Variants in ZIC3 observed in about 807,000 individuals in gnomAD.
The protein encoded by ZIC3 is Zic family zinc finger 3.
In ZIC3, 6 loss-of-function variants were observed where a neutral mutation model predicts 18.3. The ratio of observed to expected loss-of-function variants is 0.33; its 90% CI spans 0.18 to 0.65. The LOEUF (loss-of-function observed/expected upper bound fraction) is 0.65. Among genes scored for constraint, ZIC3 ranks in the 30% least tolerant of loss-of-function variants. The pLI, the probability that ZIC3 is intolerant of heterozygous loss-of-function variation, is 0.75. For synonymous variants in ZIC3, 175 were observed against 177.0 expected (o/e 0.99, Z 0.09); for missense variants, 260 against 410.0 (o/e 0.63, Z 3.16).
intron 2 of ZIC3, 45 bp from the exon 3 acceptor site, chrX:137,569,846 C>T (rs750945322): frequency 4.3e-6 from 5 of 1,160,708 alleles, no homozygotes; most frequent in African/African-American, 1.8e-5. Flanking sequence ...TTGCACATTG[C>T]CAGTTGGAAT....
chrX:137,567,087 G>A lies in ZIC3; in HGVS notation c.396G>A (p.Ser132=). ...GCTCCGGGCTCAGTGAGGCGGCCTC[G>A]GGTGGCGGGCAGCACGGGCTCTTCG... ...QRSSGLSEAA[S]GGGQHGLFAG... Residue 132 remains serine, a synonymous_variant, in exon 1 of 3, where the codon TCG becomes TCA. Coordinates refer to ENST00000287538, the MANE Select transcript of ZIC3 (RefSeq NM_003413.4). 8.4e-7 allele frequency: 1 copy of A among 1,197,059 alleles called. No individual in the cohort carries two copies. The highest frequency in any genetic ancestry group is 3.0e-5 in the East Asian group (1 of 33,039).
chrX:137,567,917 C>T (rs980790959), intron 1 of ZIC3, among the ~76,000 whole-genome samples, 166 bp downstream of exon 1: 1 of 113,456 alleles, frequency 8.8e-6, no homozygotes, highest in Non-Finnish European at 1.9e-5. Flanking sequence ...TAGCCCTCCC[C>T]GTCCCGTGGC....
downstream of ZIC3, among the ~76,000 whole-genome samples, chrX:137,575,479 T>A (rs148493410): frequency 1.2e-4 from 13 of 111,710 alleles, no homozygotes; most frequent in African/African-American, 3.9e-4. Context: ...GAGCTCGTGT[T>A]TTGTCCGTAG....
chrX:137,570,403 G>A lies in ZIC3; in HGVS notation c.*333G>A, dbSNP rs1465327376. ...TCCTGTTTCTTGAGAGGAAGTTATAGAAGGCTTGTTGGTGGTGGTGATGTT... is the reference window on the plus strand; with the variant it reads ...TCCTGTTTCTTGAGAGGAAGTTATAAAAGGCTTGTTGGTGGTGGTGATGTT... On this transcript the variant is annotated 3_prime_UTR_variant, in exon 3 of 3. Coordinates refer to ENST00000287538, the MANE Select transcript of ZIC3 (RefSeq NM_003413.4). 3.6e-6 allele frequency: 1 copy of A among 275,231 alleles called. No individual in the cohort carries two copies. The highest frequency in any genetic ancestry group is 5.7e-5 in the Admixed American group (1 of 17,560). The allele number at this position is 275,231 out of a possible 1,213,427, so 22.7% of individuals were successfully genotyped here. A position where few individuals can be genotyped will look rare whatever the true frequency, so the allele number is the denominator to read the frequency against.
Position 137,566,357 on chromosome X carries a change from C to T in ZIC3, c.-335C>T, listed in dbSNP as rs181414932. On this transcript the variant is annotated 5_prime_UTR_variant, in exon 1 of 3. Coordinates refer to ENST00000287538, the MANE Select transcript of ZIC3 (RefSeq NM_003413.4). ...TGCCCGGGACAGGATTGGCAAACTC[C>T]GCCCTCCACTTACTATTTTGCTTAT... 69 of 319,276 alleles carry T rather than the reference C, an allele frequency of 2.2e-4. No individual in the cohort carries two copies. The highest frequency in any genetic ancestry group is 4.6e-4 in the Admixed American group (9 of 19,684). The allele number at this position is 319,276 out of a possible 1,213,427, so 26.3% of individuals were successfully genotyped here.
rs757962223 is a variant in ZIC3, at chrX:137,571,544, T to C, written c.*1474T>C. 1 of 112,665 alleles carries C rather than the reference T, an allele frequency of 8.9e-6. No individual in the cohort carries two copies. The highest frequency in any genetic ancestry group is 3.7e-4 in the South Asian group (1 of 2,724). The allele number at this position is 112,665 out of a possible 1,213,427, so 9.3% of individuals were successfully genotyped here. A position where few individuals can be genotyped will look rare whatever the true frequency, so the allele number is the denominator to read the frequency against. ...CTGTATATAGTTCAATTCATAATTATCGCAATTATCCATAACATTTATATA... is the reference window on the plus strand; with the variant it reads ...CTGTATATAGTTCAATTCATAATTACCGCAATTATCCATAACATTTATATA... On this transcript the variant is annotated 3_prime_UTR_variant, in exon 3 of 3. Coordinates refer to ENST00000287538, the MANE Select transcript of ZIC3 (RefSeq NM_003413.4).
In ZIC3 at chrX:137,566,260, A is replaced by C; in HGVS notation, c.-432A>C. 6.2e-6 allele frequency: 1 copy of C among 160,724 alleles called. No homozygotes were observed. Among genetic ancestry groups the C allele is most frequent in the Non-Finnish European group, 1.2e-5 (1 of 85,066 alleles). 13.2% of individuals were successfully genotyped at this position (160,724 alleles called of 1,213,427 possible). On this transcript the variant is annotated 5_prime_UTR_variant, in exon 1 of 3. Transcript: ENST00000287538. ...GCTAGCCGGCTCCGCCACTTGGCGC[A>C]GCCCAGCCCGGAGGCCGGTACCCAG...
At chrX:137,575,261 C>T (rs1602746468), downstream of ZIC3, among the ~76,000 whole-genome samples, 1 of 111,997 alleles carries the variant, frequency 8.9e-6, no homozygotes, top group East Asian at 2.8e-4. Flanking sequence ...GAGTTCGACC[C>T]CTACACGTTG....
At chrX:137,567,831 G>C in intron 1 of ZIC3, 80 bp downstream of exon 1, 3 of 1,205,664 alleles carry the variant, frequency 2.5e-6, no homozygotes, top group Non-Finnish European at 3.4e-6. Context: ...GAGGGAGAGA[G>C]GTGGCGGCCA....
downstream of ZIC3, among the ~76,000 whole-genome samples, chrX:137,576,610 A>T (rs932479357): frequency 2.7e-5 from 3 of 112,520 alleles, no homozygotes; most frequent in African/African-American, 9.7e-5. Context: ...CTTGGAAAAC[A>T]CTAAGTTTGC....
downstream of ZIC3, chrX:137,577,037 A>G (rs1449419386): frequency 1.6e-5 from 7 of 444,271 alleles, no homozygotes; most frequent in Non-Finnish European, 2.8e-5. Context: ...CAACATATTC[A>G]TGTGACATTT....
downstream of ZIC3, among the ~76,000 whole-genome samples, chrX:137,573,035 A>G (rs1931459472): frequency 9.3e-6 from 1 of 107,205 alleles, no homozygotes; most frequent in African/African-American, 3.4e-5. Context: ...TTATTTTGAT[A>G]GAAAGCTTTT....
Position 137,570,307 on chromosome X carries a change from C to T in ZIC3, c.*237C>T, listed in dbSNP as rs992874299. On this transcript the variant is annotated 3_prime_UTR_variant, in exon 3 of 3. Coordinates refer to ENST00000287538, the MANE Select transcript of ZIC3 (RefSeq NM_003413.4). ...CATTTTTTACAAAATCTTTACACTA[C>T]TTTTTCTTCCCCTTCCTCTTGCTCT... 9.7e-6 allele frequency: 4 copies of T among 414,467 alleles called. No individual in the cohort carries two copies. Among genetic ancestry groups the T allele is most frequent in the Non-Finnish European group, 1.7e-5 (4 of 237,653 alleles). 34.2% of individuals were successfully genotyped at this position (414,467 alleles called of 1,213,427 possible).
Position 137,570,787 on chromosome X carries a change from T to G in ZIC3, c.*717T>G, listed in dbSNP as rs1214305159. 1.8e-5 allele frequency: 2 copies of G among 113,065 alleles called. No homozygotes were observed. The highest frequency in any genetic ancestry group is 5.5e-4 in the East Asian group (2 of 3,617). The allele number at this position is 113,065 out of a possible 1,213,427, so 9.3% of individuals were successfully genotyped here. A position where few individuals can be genotyped will look rare whatever the true frequency, so the allele number is the denominator to read the frequency against. ...TAACAAATTCTGTACAGCTTTTGAT[T>G]ATAACTGCTTTAGCATTAAAAATTG... On this transcript the variant is annotated 3_prime_UTR_variant, in exon 3 of 3. Transcript: ENST00000287538.
chrX:137,571,364 T>C lies in ZIC3; in HGVS notation c.*1294T>C. ...CTTATCTAATCTGCCTATCAATCTA[T>C]CTAGTAGCTATCTATATATTTTCAA... is the stretch of plus-strand genomic sequence containing the variant. On this transcript the variant is annotated 3_prime_UTR_variant, in exon 3 of 3. Transcript: ENST00000287538. 1 of 112,107 alleles carries C rather than the reference T, an allele frequency of 8.9e-6. No individual in the cohort carries two copies. 9.2% of individuals were successfully genotyped at this position (112,107 alleles called of 1,213,427 possible).
chrX:137,574,568 C>T (rs1306189591), downstream of ZIC3, among the ~76,000 whole-genome samples: 1 of 113,245 alleles, frequency 8.8e-6, no homozygotes, highest in African/African-American at 3.2e-5. Context: ...CCACACCCAC[C>T]CCCACTCCCG....
At chrX:137,575,913 C>CA (rs1041202803), downstream of ZIC3, among the ~76,000 whole-genome samples, 12 of 112,332 alleles carry the variant, frequency 1.1e-4, no homozygotes, top group Admixed American at 8.5e-4. Context: ...TCGTGCTTTG[C>CA]ATTGGAAACC....
chrX:137,573,891 G>T (rs776982067), downstream of ZIC3: 1 of 112,694 alleles, frequency 8.9e-6, no homozygotes, highest in Non-Finnish European at 1.9e-5. Flanking sequence ...GGCTCGGGCG[G>T]GGGGGGAAGG....
chrX:137,574,441 G>A (rs1349976589), downstream of ZIC3, among the ~76,000 whole-genome samples: 4 of 113,398 alleles, frequency 3.5e-5, no homozygotes, highest in Admixed American at 2.8e-4. Flanking sequence ...GCCGGGCCAG[G>A]GCCGGAGCGG....
Sources: allele counts gnomAD v4.1 joint callset (sites outside exome capture counted in the v4.1 genomes callset), GRCh38; gene constraint gnomAD v4.1.1; transcripts MANE v1.5; gene names NCBI Gene and HGNC (gene_info 2026-07-23, HGNC 2026-07-21).